GSN: variants seen among roughly 807,000 people sequenced by gnomAD.
GSN encodes the protein gelsolin, also known as actin-depolymerizing factor.
Under a neutral mutation model 85.7 loss-of-function variants are expected in GSN, and 56 were observed. That is an observed-to-expected ratio of 0.65 (90% CI 0.53 to 0.82). The LOEUF is 0.82. Ranked by LOEUF, GSN falls within the 40% of genes least tolerant of loss-of-function variation. The pLI, the probability that GSN is intolerant of heterozygous loss-of-function variation, is 0.00. For synonymous variants in GSN, 373 were observed against 399.1 expected, an observed-to-expected ratio of 0.93 and a Z score of 0.78; for missense variants, 857 against 979.8, an observed-to-expected ratio of 0.87 and a Z score of 1.67.
chr9:121,291,754 G>A (rs764319517), intron 2 of GSN, among the ~76,000 whole-genome samples: 30 of 152,020 alleles, frequency 2.0e-4, no homozygotes, highest in Non-Finnish European at 3.7e-4. Context: ...ATTTGTACTT[G>A]TATCAAGTTC....
At chr9:121,295,287 C>T (rs2059105395) in intron 2 of GSN, among the ~76,000 whole-genome samples, 1 of 152,228 alleles carries the variant, frequency 6.6e-6, no homozygotes, top group South Asian at 2.1e-4. Flanking sequence ...CGGAACTTTT[C>T]CAGGCCCTGT....
intron 1 of GSN, among the ~76,000 whole-genome samples, chr9:121,279,618 C>T (rs946491801): frequency 2.0e-5 from 3 of 151,860 alleles, no homozygotes; most frequent in East Asian, 3.9e-4. Context: ...ACTGGTCCAC[C>T]GGGTGGATGG....
intron 1 of GSN, among the ~76,000 whole-genome samples, chr9:121,269,559 G>C (rs1458704642): frequency 6.6e-6 from 1 of 152,158 alleles, no homozygotes; most frequent in Non-Finnish European, 1.5e-5. Context: ...TGTTAAGGGG[G>C]AGAGGCTTGG....
At chr9:121,250,872 GGTGTGTGTGTGTGT>G (rs34623899) in intron 6 of GSN, among the ~76,000 whole-genome samples, 17 of 135,016 alleles carry the variant, frequency 1.3e-4, no homozygotes, top group African/African-American at 2.8e-4. Context: ...GCCTGCTTGG[GGTGTGTGTGTGTGT>G]GTGTGTGTGT....
intron 1 of GSN, among the ~76,000 whole-genome samples, chr9:121,270,350 A>T (rs1330866849): frequency 6.6e-6 from 1 of 152,076 alleles, no homozygotes; most frequent in African/African-American, 2.4e-5. Flanking sequence ...TGAATGGCTG[A>T]TGTAGGGGAT....
intron 10 of GSN, among the ~76,000 whole-genome samples, chr9:121,320,318 T>G (rs906291696): frequency 2.0e-5 from 3 of 152,194 alleles, no homozygotes; most frequent in Non-Finnish European, 4.4e-5. Flanking sequence ...TGAGGTTGCC[T>G]CGTGGTGTCC....
chr9:121,328,493 A>C (rs2063500343), intron 14 of GSN, among the ~76,000 whole-genome samples: 2 of 152,232 alleles, frequency 1.3e-5, no homozygotes, highest in Admixed American at 1.3e-4. Context: ...GGTATAGTGG[A>C]AAGAGTATAG....
intron 1 of GSN, among the ~76,000 whole-genome samples, chr9:121,278,872 G>A (rs1018249259): frequency 6.6e-6 from 1 of 152,224 alleles, no homozygotes; most frequent in African/African-American, 2.4e-5. Flanking sequence ...GAATCTCAGG[G>A]AGAGTGTAAT....
rs564396416 is a variant in GSN at position 121,248,676 on chromosome 9, A to G, written c.-341+353A>G. On this transcript the variant is annotated intron_variant, in intron 6 of 24. Transcript: ENST00000373823. ...AGGAGGACATTGAACTGGGCCTTGA[A>G]GGATAAGTAACACGACCAGGTAGAG... 2.6e-5 allele frequency among the ~76,000 whole-genome samples: 4 copies of G among 152,312 alleles called. No individual in the cohort carries two copies. In the South Asian group the frequency reaches 8.3e-4, roughly 32 times the overall value.
intron 6 of GSN, among the ~76,000 whole-genome samples, chr9:121,252,728 G>C (rs1044999304): frequency 3.9e-5 from 6 of 152,226 alleles, no homozygotes; most frequent in Admixed American, 3.3e-4. Context: ...ATTATGTGGA[G>C]CACATGCATT....
intron 1 of GSN, among the ~76,000 whole-genome samples, chr9:121,275,746 G>A (rs981619152): frequency 6.6e-6 from 1 of 152,164 alleles, no homozygotes; most frequent in African/African-American, 2.4e-5. Flanking sequence ...TTAAAAAAGA[G>A]ACCATAAAAT....
intron 4 of GSN, among the ~76,000 whole-genome samples, chr9:121,305,945 G>A (rs1273573949): frequency 6.6e-6 from 1 of 152,168 alleles, no homozygotes; most frequent in Non-Finnish European, 1.5e-5. Context: ...TTCTGTCCTC[G>A]GAGTGTGAGA....
Position 121,271,468 on chromosome 9 carries a change from T to A in GSN, c.-103+3249T>A, listed in dbSNP as rs560396371. Among the ~76,000 whole-genome samples, 228 of 152,344 alleles carry A rather than the reference T, an allele frequency of 1.5e-3. 1 individual carries two copies. The highest frequency in any genetic ancestry group is 2.4e-3 in the Non-Finnish European group (166 of 68,024). ...TCTGAGGTAGATACTAGTATCTTCT[T>A]TTACAGATGAGGAAACTGAGTCCGA... is the stretch of plus-strand genomic sequence containing the variant. On this transcript the variant is annotated intron_variant, in intron 1 of 17. Transcript: ENST00000432226.
intron 14 of GSN, 117 bp downstream of exon 14, chr9:121,327,599 C>T (rs2063381935): frequency 1.3e-6 from 1 of 796,980 alleles, no homozygotes; most frequent in South Asian, 1.8e-5. Context: ...AGGGCCTGTC[C>T]CCTAATGTAT....
At chr9:121,286,768 ATT>A in intron 2 of GSN, 1 of 1,534,364 alleles carries the variant, frequency 6.5e-7, no homozygotes, top group Middle Eastern at 1.7e-4. Context: ...TACAGTAGGT[ATT>A]TTTTAAAGGT....
chr9:121,224,694 G>T (rs144450073), intron 4 of GSN, among the ~76,000 whole-genome samples: 2 of 144,754 alleles, frequency 1.4e-5, no homozygotes, highest in East Asian at 4.0e-4. Flanking sequence ...TAGTAAACTC[G>T]TCCTTCAGTT....
chr9:121,222,686 T>C (rs1201078178), intron 4 of GSN, among the ~76,000 whole-genome samples: 4 of 152,246 alleles, frequency 2.6e-5, no homozygotes, highest in African/African-American at 9.6e-5. Context: ...CATATGGATC[T>C]GCATCAACCT....
intron 2 of GSN, chr9:121,301,755 G>A: frequency 2.8e-6 from 2 of 710,980 alleles, no homozygotes; most frequent in Non-Finnish European, 4.8e-6. Flanking sequence ...TGCTGGCCAG[G>A]GCACAGGTTT....
intron 1 of GSN, among the ~76,000 whole-genome samples, chr9:121,279,282 T>A (rs1262064928): frequency 6.6e-6 from 1 of 152,142 alleles, no homozygotes; most frequent in African/African-American, 2.4e-5. Context: ...GAGAGATTTG[T>A]TAAGGATCTT....
Sources: gnomAD v4.1 joint callset for allele counts (sites outside exome capture counted in the v4.1 genomes callset) on GRCh38, gnomAD v4.1.1 for gene constraint, MANE v1.5 for transcripts, NCBI Gene and HGNC (gene_info 2026-07-23, HGNC 2026-07-21) for gene names.